Variants in WDR35 observed in about 807,000 individuals in gnomAD.
WDR35 encodes the protein WD repeat-containing protein 35.
WDR35 carries 118 observed loss-of-function variants against 158.3 expected under a neutral mutation model. The observed-to-expected ratio is 0.75, with a 90% CI of 0.64 to 0.87. The LOEUF (loss-of-function observed/expected upper bound fraction) is 0.87. Among genes scored for constraint, WDR35 ranks in the 40% least tolerant of loss-of-function variants. The pLI, the probability that WDR35 is intolerant of heterozygous loss-of-function variation, is 0.00. For missense variants in WDR35, 1,263 were observed against 1,405.8 expected (o/e 0.90, Z 1.62); for synonymous variants, 448 against 476.1 (o/e 0.94, Z 0.77).
chr2:19,923,579 C>T (rs1670253909), intron 25 of WDR35, among the ~76,000 whole-genome samples: 1 of 152,144 alleles, frequency 6.6e-6, no homozygotes, highest in Non-Finnish European at 1.5e-5. Context: ...TTCTGCACCC[C>T]CTCATTATTA....
chr2:19,978,635 C>G, intron 5 of WDR35, 116 bp downstream of exon 5: 1 of 1,461,346 alleles, frequency 6.8e-7, no homozygotes, highest in Non-Finnish European at 9.4e-7. Context: ...AATAGTTTCC[C>G]TTTTATGTCT....
chr2:19,987,518 T>G (rs1432642088), intron 2 of WDR35, among the ~76,000 whole-genome samples: 1 of 152,128 alleles, frequency 6.6e-6, no homozygotes, highest in Admixed American at 6.6e-5. Context: ...TGAATGCACT[T>G]CTTAATGTAA....
chr2:19,982,553 A>G lies in WDR35; in HGVS notation c.143-19T>C. ...GCATCATCTAAAACAAAACAAAACA[A>G]ACTACTATGATAAATATGTAAAAGT... On this transcript the variant is annotated intron_variant, in intron 2 of 26. Coordinates refer to ENST00000281405, the MANE Select transcript of WDR35 (RefSeq NM_020779.4). 6.2e-7 allele frequency: 1 copy of G among 1,611,514 alleles called. No homozygotes were observed. Among genetic ancestry groups the G allele is most frequent in the Non-Finnish European group, 8.5e-7 (1 of 1,178,330 alleles).
intron 10 of WDR35, among the ~76,000 whole-genome samples, chr2:19,963,012 C>T (rs1671714472): frequency 6.6e-6 from 1 of 152,094 alleles, no homozygotes; most frequent in Non-Finnish European, 1.5e-5. Context: ...TTGCTATTAC[C>T]TCCACAAATC....
chr2:19,943,028 T>A (rs1332983802), intron 16 of WDR35, among the ~76,000 whole-genome samples: 1 of 152,130 alleles, frequency 6.6e-6, no homozygotes, highest in Admixed American at 6.6e-5. Flanking sequence ...TCCTACAATT[T>A]TAGCATATTG....
intron 16 of WDR35, among the ~76,000 whole-genome samples, chr2:19,942,213 A>G (rs1167528187): frequency 6.6e-6 from 1 of 150,924 alleles, no homozygotes; most frequent in Non-Finnish European, 1.5e-5. Flanking sequence ...CAATTAATAA[A>G]AAGTCATATA....
At chr2:19,965,676 C>A (rs1671826505) in intron 10 of WDR35, among the ~76,000 whole-genome samples, 1 of 152,184 alleles carries the variant, frequency 6.6e-6, no homozygotes, top group Admixed American at 6.5e-5. Context: ...CTCTTCAGCG[C>A]AGAGACTCTT....
chr2:19,940,400 T>C (rs538675569), intron 17 of WDR35, among the ~76,000 whole-genome samples: 4 of 151,690 alleles, frequency 2.6e-5, no homozygotes, highest in African/African-American at 9.7e-5. Context: ...TTCACACGTG[T>C]GGAAAAGGAA....
chr2:19,933,884 A>G (rs148854559), intron 21 of WDR35, among the ~76,000 whole-genome samples: 113 of 152,342 alleles, frequency 7.4e-4, no homozygotes, highest in Non-Finnish European at 1.2e-3. Context: ...ATTATTAACT[A>G]GAGACTTAAG....
At chr2:19,974,073 C>T (rs1006251638) in intron 7 of WDR35, among the ~76,000 whole-genome samples, 5 of 149,128 alleles carry the variant, frequency 3.4e-5, no homozygotes, top group Admixed American at 2.7e-4. Flanking sequence ...ACTCCAGCCT[C>T]GGCAACAGAG....
chr2:19,977,289 T>A (rs770378604), intron 5 of WDR35, among the ~76,000 whole-genome samples: 1 of 152,254 alleles, frequency 6.6e-6, no homozygotes, highest in African/African-American at 2.4e-5. Flanking sequence ...ATGGTCTGGA[T>A]AGATTTACTT....
intron 14 of WDR35, 139 bp downstream of exon 14, chr2:19,948,025 T>C: frequency 3.1e-6 from 2 of 649,136 alleles, no homozygotes; most frequent in Non-Finnish European, 5.2e-6. Flanking sequence ...CTGGTCTCCA[T>C]TTCCTGGCCT....
intron 25 of WDR35, among the ~76,000 whole-genome samples, chr2:19,916,047 C>G (rs781596255): frequency 8.5e-5 from 13 of 152,054 alleles, no homozygotes; most frequent in Admixed American, 2.6e-4. Context: ...ACTGAGGTAC[C>G]AGGTTCATCT....
At chr2:19,945,681 G>A in intron 16 of WDR35, 105 bp downstream of exon 16, 1 of 1,209,530 alleles carries the variant, frequency 8.3e-7, no homozygotes, top group South Asian at 1.2e-5. Context: ...AGCCGTGTTG[G>A]CACTGCTATT....
intron 25 of WDR35, among the ~76,000 whole-genome samples, chr2:19,925,792 G>A (rs1670338393): frequency 6.6e-6 from 1 of 152,066 alleles, no homozygotes; most frequent in African/African-American, 2.4e-5. Flanking sequence ...CATGAAATGG[G>A]GTATATCCCT....
At chr2:19,914,313 A>G (rs770382818) in intron 25 of WDR35, 36 bp from the exon 26 acceptor site, 1 of 1,612,288 alleles carries the variant, frequency 6.2e-7, no homozygotes. Flanking sequence ...TTTTTAAAAT[A>G]ATTATTATGA....
intron 15 of WDR35, among the ~76,000 whole-genome samples, chr2:19,946,237 G>C (rs1671048628): frequency 6.6e-6 from 1 of 152,154 alleles, no homozygotes; most frequent in South Asian, 2.1e-4. Context: ...ATATAAAATA[G>C]TCTCAATGCT....
At position 19,934,638 on chromosome 2, in the gene WDR35, C is replaced by T. The variant is rs1670636891; in HGVS notation, c.2547+833G>A. On this transcript the variant is annotated intron_variant, in intron 21 of 26. Transcript: ENST00000281405. This position sits in a 1 kb window ranked among gnomAD's most constrained non-coding sequence, Gnocchi z 4.6. ...AAATGTTTATCGGCATCATCAGACA[C>T]ATCTAACAGACAACACTAACGGAGT... Among the ~76,000 whole-genome samples the T allele has an allele frequency of 6.6e-6, 1 of 152,112 alleles. No individual in the cohort carries two copies. Among genetic ancestry groups the T allele is most frequent in the Non-Finnish European group, 1.5e-5 (1 of 68,024 alleles).
At chr2:19,938,015 A>T in intron 18 of WDR35, 69 bp from the exon 19 acceptor site, 1 of 1,540,576 alleles carries the variant, frequency 6.5e-7, no homozygotes, top group East Asian at 2.3e-5. Flanking sequence ...CTTGAATCAC[A>T]ATTCAATTAT....
Sources: gnomAD v4.1 joint callset for allele counts (sites outside exome capture counted in the v4.1 genomes callset) on GRCh38, gnomAD v4.1.1 for gene constraint, Gnocchi (gnomAD v3.1) non-coding constraint, MANE v1.5 for transcripts, NCBI Gene and HGNC (gene_info 2026-07-23, HGNC 2026-07-21) for gene names.